Variants in ITCH observed in about 807,000 individuals in gnomAD.
The protein encoded by ITCH is E3 ubiquitin-protein ligase Itchy homolog.
In ITCH, 28 loss-of-function variants were observed where a neutral mutation model predicts 126.8. That is an observed-to-expected ratio of 0.22 (90% confidence interval 0.16 to 0.30). The LOEUF (loss-of-function observed/expected upper bound fraction) is 0.30. Ranked by LOEUF, ITCH falls within the 10% of genes least tolerant of loss-of-function variation. ITCH has a pLI of 1.00. For synonymous variants in ITCH, 342 were observed against 340.0 expected (o/e 1.01, Z -0.06); for missense variants, 631 against 1,032.4 (o/e 0.61, Z 5.33).
At chr20:34,417,731 G>A (rs1329731378) in intron 6 of ITCH, among the ~76,000 whole-genome samples, 3 of 125,312 alleles carry the variant, frequency 2.4e-5, no homozygotes, top group Non-Finnish European at 5.1e-5. Context: ...TTTTTTAAAG[G>A]TTGACTTATT....
intron 3 of ITCH, among the ~76,000 whole-genome samples, chr20:34,399,796 G>A (rs997242800): frequency 1.3e-5 from 2 of 151,898 alleles, no homozygotes; most frequent in African/African-American, 2.4e-5. Flanking sequence ...AGCCAAGATC[G>A]CACCCCTACA....
intron 14 of ITCH, among the ~76,000 whole-genome samples, chr20:34,467,968 AT>A (rs1312300557): frequency 6.6e-6 from 1 of 151,924 alleles, no homozygotes; most frequent in Non-Finnish European, 1.5e-5. Context: ...TCATACGATA[AT>A]TTCAGGAAAA....
At chr20:34,504,234 A>G in intron 23 of ITCH, 97 bp from the exon 24 acceptor site, 1 of 917,674 alleles carries the variant, frequency 1.1e-6, no homozygotes. Context: ...TTATGGTTCT[A>G]ACAAGTTCCC....
chr20:34,489,189 T>A, intron 20 of ITCH, 77 bp from the exon 21 acceptor site: 2 of 1,293,318 alleles, frequency 1.5e-6, no homozygotes, highest in Non-Finnish European at 2.1e-6. Flanking sequence ...TATAATTTTT[T>A]AAAATTTATT....
chr20:34,466,439 TC>T lies in ITCH; in HGVS notation c.1425-3608del, dbSNP rs778748045. 2.0e-5 allele frequency: 10 copies of T among 504,792 alleles called. No individual in the cohort carries two copies. In the Admixed American group the frequency reaches 2.3e-4, roughly 12 times the overall value. The allele number at this position is 504,792 out of a possible 1,614,324, so 31.3% of individuals were successfully genotyped here. A position where few individuals can be genotyped will look rare whatever the true frequency, so the allele number is the denominator to read the frequency against. ...CCCTATTACTTTCTAATTTTATACT[TC>T]TACACATTAACAACTTTTATATTTA... On this transcript the variant is annotated intron_variant, in intron 14 of 24. Coordinates refer to ENST00000374864, the MANE Select transcript of ITCH (RefSeq NM_031483.7).
intron 2 of ITCH, among the ~76,000 whole-genome samples, chr20:34,388,635 CAA>C (rs1350007275): frequency 6.6e-6 from 1 of 152,156 alleles, no homozygotes; most frequent in Admixed American, 6.6e-5. Flanking sequence ...ATACTCAGGG[CAA>C]AGTTTTCTCT....
At chr20:34,468,109 A>G (rs1342165767) in intron 14 of ITCH, among the ~76,000 whole-genome samples, 4 of 147,412 alleles carry the variant, frequency 2.7e-5, no homozygotes, top group African/African-American at 1.0e-4. Flanking sequence ...ATCTCAGCTC[A>G]CTGCAAGCTC....
rs1193293846 is a variant in ITCH, at chr20:34,482,779, G to A, written c.2093+1573G>A. 2.6e-5 allele frequency among the ~76,000 whole-genome samples: 4 copies of A among 152,156 alleles called. No individual in the cohort carries two copies. In the East Asian group the frequency reaches 7.7e-4, roughly 29 times the overall value. On this transcript the variant is annotated intron_variant, in intron 20 of 24. Transcript: ENST00000374864. ...GCTCCACTAGGCAGTGCCCCAGTAG[G>A]GACTCTGTATGGGCCTCCAACTTCA...
chr20:34,393,897 A>T lies in ITCH; in HGVS notation c.70+16A>T. ...CAGATCACTGGTAAGTTTTAGAAACATCGGCTGCTTTACTTTATTTTTCCC... is the reference window on the plus strand; with the variant it reads ...CAGATCACTGGTAAGTTTTAGAAACTTCGGCTGCTTTACTTTATTTTTCCC... On this transcript the variant is annotated intron_variant, in intron 3 of 24. Coordinates refer to ENST00000374864, the MANE Select transcript of ITCH (RefSeq NM_031483.7). 1.2e-6 allele frequency: 2 copies of T among 1,607,806 alleles called. No individual in the cohort carries two copies. The highest frequency in any genetic ancestry group is 2.7e-5 in the African/African-American group (2 of 74,916).
At chr20:34,472,761 G>A (rs1717992498) in intron 16 of ITCH, among the ~76,000 whole-genome samples, 1 of 152,242 alleles carries the variant, frequency 6.6e-6, no homozygotes, top group Admixed American at 6.5e-5. Flanking sequence ...CTATGTAGGA[G>A]CAGAAAACTT....
chr20:34,419,901 CA>C (rs1300102391), intron 6 of ITCH, among the ~76,000 whole-genome samples: 1 of 151,762 alleles, frequency 6.6e-6, no homozygotes, highest in African/African-American at 2.4e-5. Context: ...ATTTTTATAT[CA>C]AAGGACATTT....
At chr20:34,478,827 A>G (rs538839395) in intron 17 of ITCH, among the ~76,000 whole-genome samples, 1 of 152,194 alleles carries the variant, frequency 6.6e-6, no homozygotes, top group Non-Finnish European at 1.5e-5. Context: ...GTAATTTTGT[A>G]TAAGTTAAAG....
At chr20:34,437,838 A>G (rs1196173110) in intron 7 of ITCH, among the ~76,000 whole-genome samples, 1 of 152,168 alleles carries the variant, frequency 6.6e-6, no homozygotes, top group Non-Finnish European at 1.5e-5. Flanking sequence ...TCAGTCTGAC[A>G]TTTCCTGTTA....
rs539661495 is a variant in ITCH, at chr20:34,368,298, A to G, written c.-98-1096A>G. ...AGAAAAAAAAAAAAAAATTCGTGTT[A>G]GTACTGATAGGAAATAGTCATCTGT... On this transcript the variant is annotated intron_variant, in intron 1 of 24. Transcript: ENST00000374864. Among the ~76,000 whole-genome samples the G allele has an allele frequency of 8.6e-5, 13 of 151,398 alleles. No individual in the cohort carries two copies. The South Asian group carries it at 2.7e-3, about 31-fold the overall frequency.
intron 2 of ITCH, among the ~76,000 whole-genome samples, chr20:34,387,200 G>A (rs1799088174): frequency 6.6e-6 from 1 of 152,018 alleles, no homozygotes; most frequent in Non-Finnish European, 1.5e-5. Flanking sequence ...CTACTAGGGA[G>A]GCTGAGGCAG....
chr20:34,481,353 TAAA>T lies in ITCH; in HGVS notation c.2093+150_2093+152del, dbSNP rs1988730033. On this transcript the variant is annotated intron_variant, in intron 20 of 24. Coordinates refer to ENST00000374864, the MANE Select transcript of ITCH (RefSeq NM_031483.7). ...TATGTAGGCAGTCATTTTTCATTTCTAAAAAGTTTTTTTTTAAGTGTTTTTAAA... is the reference window on the plus strand; with the variant it reads ...TATGTAGGCAGTCATTTTTCATTTCTAAGTTTTTTTTTAAGTGTTTTTAAA... 6.6e-6 allele frequency: 6 copies of T among 906,414 alleles called. No individual in the cohort carries two copies. The East Asian group carries it at 1.6e-4, about 24-fold the overall frequency. 56.1% of individuals were successfully genotyped at this position (906,414 alleles called of 1,614,324 possible).
chr20:34,398,865 A>G (rs1038864126), intron 3 of ITCH, among the ~76,000 whole-genome samples: 1 of 148,566 alleles, frequency 6.7e-6, no homozygotes, highest in Non-Finnish European at 1.5e-5. Flanking sequence ...AACAGAGAAC[A>G]TAAGATAAAA....
At chr20:34,375,833 C>T (rs34075384) in intron 2 of ITCH, among the ~76,000 whole-genome samples, 3,341 of 144,576 alleles carry the variant, frequency 0.023, 58 homozygotes, top group Middle Eastern at 0.043. Flanking sequence ...AGCAACATAG[C>T]GAGATCCCGT....
intron 24 of ITCH, 83 bp from the exon 25 acceptor site, chr20:34,507,612 G>A (rs118176813): frequency 9.7e-7 from 1 of 1,031,240 alleles, no homozygotes; most frequent in Non-Finnish European, 1.5e-6. Flanking sequence ...TGCTTCTATA[G>A]TAGTGTATAA....
Sources: gnomAD v4.1 joint callset for allele counts (sites outside exome capture counted in the v4.1 genomes callset) on GRCh38, gnomAD v4.1.1 for gene constraint, MANE v1.5 for transcripts, NCBI Gene and HGNC (gene_info 2026-07-23, HGNC 2026-07-21) for gene names.